Variants in LRRC37A observed in about 807,000 individuals in gnomAD.
The protein encoded by LRRC37A is leucine rich repeat containing 37A, also known as leucine-rich repeat-containing protein 37A.
LRRC37A carries 3 observed loss-of-function variants against 35.4 expected under a neutral mutation model. The observed-to-expected ratio is 0.08, with a 90% CI of 0.04 to 0.22. The LOEUF is 0.22. Ranked by LOEUF, LRRC37A falls within the 10% of genes least tolerant of loss-of-function variation. The pLI is 1.00. For missense variants in LRRC37A, 67 were observed against 565.3 expected (o/e 0.12, Z 8.94); for synonymous variants, 23 against 215.0 (o/e 0.11, Z 7.81).
the LRRC37A span, among the ~76,000 whole-genome samples, chr17:46,257,452 C>CA: frequency 6.1e-3 from 505 of 83,258 alleles, 4 homozygotes; most frequent in African/African-American, 0.019. Context: ...GACTCTGTCT[C>CA]AAAAAAAAAA....
At chr17:46,335,462 T>A in intron 10 of LRRC37A, 83 bp from the exon 11 acceptor site, 1 of 167,984 alleles carries the variant, frequency 6.0e-6, no homozygotes, top group African/African-American at 1.8e-5. Context: ...ATGAGACTTA[T>A]AATGAATAAA....
the LRRC37A span, among the ~76,000 whole-genome samples, chr17:46,264,371 T>C: frequency 6.6e-6 from 1 of 152,256 alleles, no homozygotes; most frequent in Non-Finnish European, 1.5e-5. Context: ...CCAGTTGGTC[T>C]CTTGGGTTCT....
chr17:46,266,907 C>T, the LRRC37A span: 1 of 286,368 alleles, frequency 3.5e-6, no homozygotes, highest in Non-Finnish European at 6.1e-6. Flanking sequence ...CGCTCACGGG[C>T]CCTACGCTTC....
chr17:46,270,351 T>C, the LRRC37A span, among the ~76,000 whole-genome samples: 540 of 152,312 alleles, frequency 3.5e-3, 6 homozygotes, highest in Middle Eastern at 6.8e-3. Context: ...GTTCCAATTA[T>C]GGGGCAGACA....
the LRRC37A span, among the ~76,000 whole-genome samples, chr17:46,255,921 T>C: frequency 2.7e-5 from 4 of 147,632 alleles, no homozygotes; most frequent in Admixed American, 1.4e-4. Context: ...GTGATCTGCC[T>C]GCCTCAGCCT....
At chr17:46,284,419 C>A in the LRRC37A span, among the ~76,000 whole-genome samples, 26 of 152,250 alleles carry the variant, frequency 1.7e-4, no homozygotes, top group Admixed American at 3.3e-4. Flanking sequence ...TGAGTTGACA[C>A]AGCACATGTC....
the LRRC37A span, among the ~76,000 whole-genome samples, chr17:46,264,243 TGTG>T: frequency 3.9e-5 from 6 of 151,952 alleles, no homozygotes; most frequent in East Asian, 1.2e-3. Context: ...GAATTACATG[TGTG>T]AGCCACTGAG....
the LRRC37A span, among the ~76,000 whole-genome samples, chr17:46,273,485 A>G: frequency 6.6e-6 from 1 of 152,252 alleles, no homozygotes; most frequent in Non-Finnish European, 1.5e-5. Flanking sequence ...TGGGAACTGT[A>G]GCAACATCTT....
At chr17:46,266,024 G>A in the LRRC37A span, among the ~76,000 whole-genome samples, 3 of 152,332 alleles carry the variant, frequency 2.0e-5, no homozygotes. Context: ...TTGAACCCGG[G>A]AGGCAGAGGT....
At chr17:46,279,088 G>A in the LRRC37A span, among the ~76,000 whole-genome samples, 1 of 151,974 alleles carries the variant, frequency 6.6e-6, no homozygotes, top group Non-Finnish European at 1.5e-5. Context: ...ATAAGCCACT[G>A]TTCCTGGCCC....
the LRRC37A span, among the ~76,000 whole-genome samples, chr17:46,258,765 A>G: frequency 2.4e-5 from 3 of 124,048 alleles, no homozygotes; most frequent in Non-Finnish European, 4.7e-5. Context: ...CCCAGGCTGG[A>G]GTGCAGTTGT....
upstream of LRRC37A, among the ~76,000 whole-genome samples, chr17:46,292,208 T>C (rs1165725950): frequency 8.0e-5 from 6 of 74,976 alleles, 1 homozygote; most frequent in Admixed American, 7.0e-4. Context: ...GGTGGGCACC[T>C]GTAATCCCAG....
At chr17:46,249,706 T>C in the LRRC37A span, among the ~76,000 whole-genome samples, 1 of 152,146 alleles carries the variant, frequency 6.6e-6, no homozygotes, top group Non-Finnish European at 1.5e-5. Flanking sequence ...AGGACCAGGT[T>C]TGGGAACCTG....
At chr17:46,265,590 C>T in the LRRC37A span, among the ~76,000 whole-genome samples, 1 of 143,326 alleles carries the variant, frequency 7.0e-6, no homozygotes, top group East Asian at 2.2e-4. Context: ...GCGATCCTCC[C>T]ACCTCAGCTT....
chr17:46,283,989 C>A, the LRRC37A span, among the ~76,000 whole-genome samples: 2 of 152,268 alleles, frequency 1.3e-5, no homozygotes, highest in East Asian at 1.9e-4. Context: ...GCGTGTCCCA[C>A]CTCCAGCCCT....
chr17:46,323,616 C>T (rs1287476803), intron 7 of LRRC37A, among the ~76,000 whole-genome samples: 1 of 97,162 alleles, frequency 1.0e-5, no homozygotes, highest in Non-Finnish European at 2.4e-5. Flanking sequence ...AGGGTGGTTT[C>T]GAACTCCTGA....
At chr17:46,279,184 CTTTTTTTTT>C in the LRRC37A span, among the ~76,000 whole-genome samples, 1 of 137,000 alleles carries the variant, frequency 7.3e-6, no homozygotes, top group South Asian at 2.3e-4. Flanking sequence ...TCTTTTTTTT[CTTTTTTTTT>C]TTTTTTTTGA....
the LRRC37A span, chr17:46,268,390 A>C: frequency 1.2e-6 from 1 of 868,762 alleles, no homozygotes; most frequent in Non-Finnish European, 1.5e-6. Context: ...ATCAGTTTCA[A>C]CTTGTGCAGC....
At chr17:46,308,036 A>C (rs553507724) in intron 5 of LRRC37A, among the ~76,000 whole-genome samples, 2 of 73,964 alleles carry the variant, frequency 2.7e-5, no homozygotes, top group African/African-American at 6.9e-5. Flanking sequence ...ATATAATAAT[A>C]ATAATCATCA....
Sources: gnomAD v4.1 joint callset for allele counts (sites outside exome capture counted in the v4.1 genomes callset) on GRCh38, gnomAD v4.1.1 for gene constraint, MANE v1.5 for transcripts, NCBI Gene and HGNC (gene_info 2026-07-23, HGNC 2026-07-21) for gene names.